Variants in ZPBP observed in about 807,000 individuals in gnomAD.
The protein encoded by ZPBP is zona pellucida binding protein, also known as zona pellucida-binding protein 1.
A neutral mutation model predicts 44.8 loss-of-function variants in ZPBP; 26 were observed. The ratio of observed to expected loss-of-function variants is 0.58; its 90% CI spans 0.43 to 0.81. ZPBP has a LOEUF of 0.81. Ranked by LOEUF, ZPBP falls within the 30% of genes least tolerant of loss-of-function variation. The pLI is 0.00. For missense variants in ZPBP, 409 were observed against 434.0 expected, an observed-to-expected ratio of 0.94 and a Z score of 0.51; for synonymous variants, 174 against 153.2, an observed-to-expected ratio of 1.14 and a Z score of -1.00.
the ZPBP span, among the ~76,000 whole-genome samples, chr7:49,842,972 G>A: frequency 6.6e-6 from 1 of 152,140 alleles, no homozygotes; most frequent in East Asian, 1.9e-4. Context: ...TGATGCTGAG[G>A]TTTGGGGTAC....
rs1795193894 is a variant in ZPBP at position 49,948,392 on chromosome 7, A to T, written c.962-10770T>A. On this transcript the variant is annotated intron_variant, in intron 7 of 7. Coordinates refer to ENST00000046087, the MANE Select transcript of ZPBP (RefSeq NM_007009.3). Reference sequence around the variant, plus strand: ...TAAAGATTGGGTTCTATAAAAATAAAACCTTTTGTGTATCAAAGGACATTA... The same window carrying T: ...TAAAGATTGGGTTCTATAAAAATAATACCTTTTGTGTATCAAAGGACATTA... Among the ~76,000 whole-genome samples the T allele has an allele frequency of 1.3e-5, 2 of 152,198 alleles. 1 individual carries two copies. Among genetic ancestry groups the T allele is most frequent in the South Asian group, 4.1e-4 (2 of 4,836 alleles).
At chr7:49,881,067 C>A (rs1011592316) in intron 2 of ZPBP, among the ~76,000 whole-genome samples, 4 of 152,124 alleles carry the variant, frequency 2.6e-5, no homozygotes, top group Admixed American at 2.6e-4. Flanking sequence ...TGGCCAATAT[C>A]TTGCCCTATC....
At chr7:50,026,611 A>G (rs1489234702) in intron 5 of ZPBP, among the ~76,000 whole-genome samples, 2 of 151,996 alleles carry the variant, frequency 1.3e-5, no homozygotes, top group African/African-American at 4.8e-5. Context: ...ATGCCCCTTT[A>G]TCAACTAAGA....
At chr7:50,054,091 A>G (rs1371705414) in intron 4 of ZPBP, among the ~76,000 whole-genome samples, 3 of 152,004 alleles carry the variant, frequency 2.0e-5, no homozygotes, top group African/African-American at 7.3e-5. Flanking sequence ...GGGTTTTTCC[A>G]TGTTGCCCAG....
At chr7:50,013,365 G>A (rs1270099511) in intron 6 of ZPBP, among the ~76,000 whole-genome samples, 1 of 151,962 alleles carries the variant, frequency 6.6e-6, no homozygotes, top group Non-Finnish European at 1.5e-5. Flanking sequence ...GAGAGCTCAT[G>A]AAGGAGACCA....
intron 7 of ZPBP, among the ~76,000 whole-genome samples, chr7:49,967,637 C>G (rs1321899456): frequency 6.6e-6 from 1 of 152,142 alleles, no homozygotes; most frequent in Non-Finnish European, 1.5e-5. Context: ...ACCTCCGCCT[C>G]CCGGGTTCAA....
intron 2 of ZPBP, among the ~76,000 whole-genome samples, chr7:49,867,683 C>G (rs1358743918): frequency 6.6e-6 from 1 of 152,208 alleles, no homozygotes; most frequent in Non-Finnish European, 1.5e-5. Flanking sequence ...GAGGAGAATT[C>G]TGGACCCAAG....
intron 7 of ZPBP, among the ~76,000 whole-genome samples, chr7:49,969,208 A>C (rs1796182948): frequency 6.7e-6 from 1 of 149,070 alleles, no homozygotes; most frequent in Non-Finnish European, 1.5e-5. Context: ...ATATATAGAA[A>C]ATATACTATA....
chr7:49,935,502 G>A (rs999845161), downstream of ZPBP, among the ~76,000 whole-genome samples: 3 of 152,020 alleles, frequency 2.0e-5, no homozygotes, highest in Admixed American at 1.3e-4. Flanking sequence ...GGTTTCAAGC[G>A]ATTCTCCTGC....
Position 49,956,335 on chromosome 7 carries a change from G to T in ZPBP, c.962-18713C>A, listed in dbSNP as rs944140048. Among the ~76,000 whole-genome samples the T allele has an allele frequency of 4.6e-5, 7 of 151,992 alleles. No homozygotes were observed. The East Asian group carries it at 1.3e-3, about 29-fold the overall frequency. On this transcript the variant is annotated intron_variant, in intron 7 of 7. Coordinates refer to ENST00000046087, the MANE Select transcript of ZPBP (RefSeq NM_007009.3). ...GTTTGAAAAAATTATCATTTTACAT[G>T]TAGCTTTTATTAGGAAAAAATGGAA...
chr7:50,050,499 G>A (rs367683988), intron 4 of ZPBP, among the ~76,000 whole-genome samples: 13 of 151,980 alleles, frequency 8.6e-5, no homozygotes, highest in African/African-American at 3.1e-4. Context: ...CTCAATGGAG[G>A]AAGAATAACC....
chr7:49,990,538 GA>G (rs988858409), intron 6 of ZPBP, among the ~76,000 whole-genome samples: 7 of 151,960 alleles, frequency 4.6e-5, no homozygotes, highest in Non-Finnish European at 1.0e-4. Flanking sequence ...TACCCCTTTG[GA>G]ATGCACCCTG....
intron 2 of ZPBP, among the ~76,000 whole-genome samples, chr7:50,086,261 T>C (rs1464066233): frequency 6.6e-6 from 1 of 152,066 alleles, no homozygotes; most frequent in Non-Finnish European, 1.5e-5. Flanking sequence ...AGTGTTGCTA[T>C]GTTATACTAT....
intron 5 of ZPBP, among the ~76,000 whole-genome samples, chr7:50,020,689 G>A (rs1023508885): frequency 1.2e-4 from 19 of 152,106 alleles, no homozygotes; most frequent in South Asian, 4.1e-4. Context: ...AATGATGCCA[G>A]CAAAAATAGT....
chr7:50,036,289 G>T (rs1241721053), intron 4 of ZPBP, among the ~76,000 whole-genome samples: 1 of 152,136 alleles, frequency 6.6e-6, no homozygotes, highest in Admixed American at 6.5e-5. Flanking sequence ...GAGTAGCTGG[G>T]ACTACAGGCG....
intron 1 of ZPBP, among the ~76,000 whole-genome samples, chr7:49,903,217 C>A (rs1412068279): frequency 6.6e-6 from 1 of 152,184 alleles, no homozygotes; most frequent in Non-Finnish European, 1.5e-5. Flanking sequence ...AAATACTCAG[C>A]TACCACACAA....
intron 1 of ZPBP, among the ~76,000 whole-genome samples, chr7:49,902,793 A>C (rs1792841491): frequency 6.6e-6 from 1 of 152,078 alleles, no homozygotes; most frequent in African/African-American, 2.4e-5. Context: ...TTGAAATATA[A>C]ATTTTTTCTT....
chr7:50,032,134 T>G (rs1276920928), intron 4 of ZPBP, among the ~76,000 whole-genome samples: 1 of 152,196 alleles, frequency 6.6e-6, no homozygotes, highest in African/African-American at 2.4e-5. Context: ...ATCTTTGTAT[T>G]TGGAGTAGAG....
At chr7:49,866,435 C>T (rs1790893551) in intron 2 of ZPBP, among the ~76,000 whole-genome samples, 2 of 152,190 alleles carry the variant, frequency 1.3e-5, no homozygotes, top group African/African-American at 4.8e-5. Context: ...CTCAGGCTTG[C>T]GAGTGCAGTA....
Sources: gnomAD v4.1 joint callset for allele counts (sites outside exome capture counted in the v4.1 genomes callset) on GRCh38, gnomAD v4.1.1 for gene constraint, MANE v1.5 for transcripts, NCBI Gene and HGNC (gene_info 2026-07-23, HGNC 2026-07-21) for gene names.